The following ERC2 variants were observed in gnomAD, a reference collection of about 807,000 sequenced individuals.
The protein encoded by ERC2 is ERC protein 2.
ERC2 carries 42 observed loss-of-function variants against 114.8 expected under a neutral mutation model. That is an observed-to-expected ratio of 0.37 (90% confidence interval 0.29 to 0.47). ERC2 has a LOEUF of 0.47. ERC2 is among the 20% of genes least tolerant of loss of function. The pLI, the probability that ERC2 is intolerant of heterozygous loss-of-function variation, is 0.99. For missense variants in ERC2, 939 were observed against 1,150.7 expected (o/e 0.82, Z 2.66); for synonymous variants, 454 against 425.5 (o/e 1.07, Z -0.82).
At chr3:56,201,217 T>G (rs1362411418) in intron 3 of ERC2, among the ~76,000 whole-genome samples, 1 of 152,226 alleles carries the variant, frequency 6.6e-6, no homozygotes, top group African/African-American at 2.4e-5. Flanking sequence ...TCCTCAAGAA[T>G]TAAATCCAGC....
chr3:56,335,170 G>C (rs1311291616), intron 2 of ERC2, among the ~76,000 whole-genome samples: 1 of 152,162 alleles, frequency 6.6e-6, no homozygotes, highest in African/African-American at 2.4e-5. Context: ...TTGAAGGGTG[G>C]CATTTACACT....
chr3:55,593,312 T>C (rs533105649), intron 17 of ERC2, among the ~76,000 whole-genome samples: 12 of 152,082 alleles, frequency 7.9e-5, no homozygotes, highest in African/African-American at 2.4e-4. Context: ...GGAGGTCCCA[T>C]GGGGGTGTGG....
At chr3:55,960,042 C>A (rs2068246406) in intron 12 of ERC2, among the ~76,000 whole-genome samples, 1 of 152,240 alleles carries the variant, frequency 6.6e-6, no homozygotes, top group Non-Finnish European at 1.5e-5. Context: ...CTCCTGCTTC[C>A]ATGAGAGCTG....
chr3:55,997,905 TTTG>T lies in ERC2; in HGVS notation c.2062-5658_2062-5656del, dbSNP rs1488141309. On this transcript the variant is annotated intron_variant, in intron 10 of 17. Transcript: ENST00000288221. ...GTTTTTTTTTTTTTTTTTTTTTTTTTTTGTGTGTGTGTGTGTGTTTTTTGTTTT... is the reference window on the plus strand; with the variant it reads ...GTTTTTTTTTTTTTTTTTTTTTTTTTTGTGTGTGTGTGTGTTTTTTGTTTT... Among the ~76,000 whole-genome samples, 25 of 25,980 alleles carry T rather than the reference TTTG, an allele frequency of 9.6e-4. 1 individual carries two copies. The highest frequency in any genetic ancestry group is 1.6e-3 in the Admixed American group (3 of 1,874). 17.0% of individuals were successfully genotyped at this position (25,980 alleles called of 152,430 possible).
chr3:55,846,145 C>T (rs923303350), intron 14 of ERC2, among the ~76,000 whole-genome samples: 5 of 152,184 alleles, frequency 3.3e-5, no homozygotes, highest in African/African-American at 1.2e-4. Context: ...TCTCCCTCAT[C>T]CTACACTTTA....
intron 17 of ERC2, among the ~76,000 whole-genome samples, chr3:55,566,407 C>CTATTTATT (rs113386431): frequency 0.049 from 7,221 of 147,918 alleles, 235 homozygotes; most frequent in African/African-American, 0.073. Flanking sequence ...GCTGGTAATT[C>CTATTTATT]TATTTATTTA....
intron 3 of ERC2, among the ~76,000 whole-genome samples, chr3:56,208,691 C>T (rs936233165): frequency 2.6e-5 from 4 of 152,190 alleles, no homozygotes; most frequent in African/African-American, 9.7e-5. Context: ...GAAGTTAACT[C>T]AGTGACAAAA....
chr3:55,646,194 T>A (rs1272438822), intron 17 of ERC2, among the ~76,000 whole-genome samples: 1 of 152,242 alleles, frequency 6.6e-6, no homozygotes, highest in Non-Finnish European at 1.5e-5. Context: ...TGTTTCTTTC[T>A]TGCATATCGG....
intron 2 of ERC2, among the ~76,000 whole-genome samples, chr3:56,351,211 A>G (rs2058540726): frequency 6.6e-6 from 1 of 152,206 alleles, no homozygotes; most frequent in Admixed American, 6.5e-5. Flanking sequence ...AAAGAAGAAA[A>G]AAAACTTTCC....
chr3:56,099,482 A>AAACC (rs2078236301), intron 6 of ERC2, among the ~76,000 whole-genome samples: 1 of 152,208 alleles, frequency 6.6e-6, no homozygotes, highest in African/African-American at 2.4e-5. Context: ...AGTGATACGT[A>AAACC]AACCAACAAC....
chr3:55,618,976 G>A (rs1312001337), intron 17 of ERC2, among the ~76,000 whole-genome samples: 5 of 152,176 alleles, frequency 3.3e-5, no homozygotes, highest in Non-Finnish European at 5.9e-5. Context: ...TGTTGTTCAA[G>A]CGTAGTCTCC....
intron 7 of ERC2, among the ~76,000 whole-genome samples, chr3:56,047,451 C>A (rs932373566): frequency 1.3e-5 from 2 of 152,298 alleles, no homozygotes; most frequent in East Asian, 3.9e-4. Flanking sequence ...ATCAAGGAGT[C>A]CTTCTAGAGG....
intron 14 of ERC2, among the ~76,000 whole-genome samples, chr3:55,741,099 T>C (rs2065940772): frequency 6.6e-6 from 1 of 152,202 alleles, no homozygotes; most frequent in East Asian, 1.9e-4. Flanking sequence ...TCATTATCCC[T>C]GCCTTAAAGG....
chr3:55,603,103 A>T (rs537171582), intron 17 of ERC2, among the ~76,000 whole-genome samples: 1 of 152,302 alleles, frequency 6.6e-6, no homozygotes, highest in African/African-American at 2.4e-5. Flanking sequence ...GGTAAGGAGA[A>T]GCTGGGAGAC....
At chr3:55,961,265 G>A (rs368920964) in intron 12 of ERC2, among the ~76,000 whole-genome samples, 24 of 152,150 alleles carry the variant, frequency 1.6e-4, no homozygotes, top group African/African-American at 4.8e-4. Flanking sequence ...AGTCCTCTGC[G>A]GCTCTGAACA....
chr3:56,015,500 T>C (rs145403077), intron 8 of ERC2, among the ~76,000 whole-genome samples: 2,601 of 152,268 alleles, frequency 0.017, 65 homozygotes, highest in African/African-American at 0.059. Context: ...CTGAGGTTAA[T>C]GGCTTCCAGT....
chr3:55,841,432 T>C (rs1479110887), intron 14 of ERC2, among the ~76,000 whole-genome samples: 1 of 152,192 alleles, frequency 6.6e-6, no homozygotes, highest in Non-Finnish European at 1.5e-5. Context: ...TCTGCCATGA[T>C]TGTGAGGCCT....
At chr3:55,654,189 C>T (rs189036843) in intron 17 of ERC2, among the ~76,000 whole-genome samples, 2 of 152,346 alleles carry the variant, frequency 1.3e-5, no homozygotes, top group African/African-American at 2.4e-5. Flanking sequence ...CTTGATTCCT[C>T]TTTCATTCCA....
chr3:56,192,303 T>C (rs2047839612), intron 3 of ERC2, among the ~76,000 whole-genome samples: 2 of 152,210 alleles, frequency 1.3e-5, no homozygotes. Flanking sequence ...TTCTTTAAGT[T>C]CCATCCATGT....
Sources: allele counts gnomAD v4.1 joint callset (sites outside exome capture counted in the v4.1 genomes callset), GRCh38; gene constraint gnomAD v4.1.1; transcripts MANE v1.5; gene names NCBI Gene and HGNC (gene_info 2026-07-23, HGNC 2026-07-21).